SLC9A9: variants seen among roughly 807,000 people sequenced by gnomAD.
SLC9A9 encodes the protein solute carrier family 9 member A9.
Under a neutral mutation model 77.8 loss-of-function variants are expected in SLC9A9, and 62 were observed. That is an observed-to-expected ratio of 0.80 (90% CI 0.65 to 0.98). The LOEUF (loss-of-function observed/expected upper bound fraction) is 0.98, where lower values mean the gene tolerates loss of function less well. SLC9A9 is among the 50% of genes least tolerant of loss of function. The pLI, the probability that SLC9A9 is intolerant of heterozygous loss-of-function variation, is 0.00. For synonymous variants in SLC9A9, 320 were observed against 283.5 expected (o/e 1.13, Z -1.29); for missense variants, 775 against 774.9 (o/e 1.00, Z 0.00).
At chr3:143,824,243 A>G (rs1464137230) in intron 2 of SLC9A9, among the ~76,000 whole-genome samples, 1 of 151,940 alleles carries the variant, frequency 6.6e-6, no homozygotes, top group Non-Finnish European at 1.5e-5. Flanking sequence ...TTTTATATAT[A>G]CAAAATGATC....
intron 4 of SLC9A9, among the ~76,000 whole-genome samples, chr3:143,753,625 C>T (rs1410600070): frequency 6.6e-6 from 1 of 152,126 alleles, no homozygotes; most frequent in Non-Finnish European, 1.5e-5. Flanking sequence ...GAATGCTGTG[C>T]TGTGCTGTGC....
intron 12 of SLC9A9, among the ~76,000 whole-genome samples, chr3:143,453,857 C>T (rs1272170189): frequency 6.6e-6 from 1 of 152,104 alleles, no homozygotes; most frequent in Non-Finnish European, 1.5e-5. Flanking sequence ...AATTTAATCC[C>T]CAATGCAACA....
At chr3:143,811,712 A>G (rs940617086) in intron 2 of SLC9A9, 1 of 455,132 alleles carries the variant, frequency 2.2e-6, no homozygotes, top group Non-Finnish European at 4.4e-6. Context: ...AAACAAAAAA[A>G]TTAGCCACGC....
At chr3:143,824,706 A>G (rs2009254883) in intron 2 of SLC9A9, among the ~76,000 whole-genome samples, 1 of 152,230 alleles carries the variant, frequency 6.6e-6, no homozygotes, top group South Asian at 2.1e-4. Context: ...TATTTTTTGA[A>G]TGACTGAAGG....
At chr3:143,461,005 A>G (rs1218561585) in intron 12 of SLC9A9, among the ~76,000 whole-genome samples, 2 of 152,198 alleles carry the variant, frequency 1.3e-5, no homozygotes, top group African/African-American at 4.8e-5. Flanking sequence ...ATGTTTCATG[A>G]GAGAGCATAT....
At chr3:143,530,284 G>T (rs142125548) in intron 9 of SLC9A9, among the ~76,000 whole-genome samples, 1 of 152,156 alleles carries the variant, frequency 6.6e-6, no homozygotes, top group Non-Finnish European at 1.5e-5. Context: ...GGGGGGACCC[G>T]GTGAGAGATA....
chr3:143,779,149 T>C (rs2007790910), intron 4 of SLC9A9, among the ~76,000 whole-genome samples: 1 of 152,190 alleles, frequency 6.6e-6, no homozygotes, highest in Admixed American at 6.5e-5. Context: ...ATTATACTGT[T>C]ATTATTTATC....
In SLC9A9 at chr3:143,673,582, G is replaced by A. The variant is rs114731864; in HGVS notation, c.649+19610C>T. ...AGGATGGAGTAGGGAAGGGTGGGAGGGCAGGGCATAAAAGGCCAGCAAGAC... is the reference window on the plus strand; with the variant it reads ...AGGATGGAGTAGGGAAGGGTGGGAGAGCAGGGCATAAAAGGCCAGCAAGAC... On this transcript the variant is annotated intron_variant, in intron 5 of 15. Coordinates refer to ENST00000316549, the MANE Select transcript of SLC9A9 (RefSeq NM_173653.4). Among the ~76,000 whole-genome samples the A allele has an allele frequency of 2.0e-3, 304 of 150,218 alleles. 1 individual carries two copies. Among genetic ancestry groups the A allele is most frequent in the African/African-American group, 7.1e-3 (291 of 41,012 alleles).
chr3:143,672,457 C>T (rs141639002), intron 5 of SLC9A9, among the ~76,000 whole-genome samples: 5 of 152,164 alleles, frequency 3.3e-5, no homozygotes, highest in African/African-American at 7.2e-5. Context: ...GAAAACAAAA[C>T]TGAAAAATAA....
intron 4 of SLC9A9, among the ~76,000 whole-genome samples, chr3:143,764,971 TTTCC>T (rs139347757): frequency 0.023 from 3,377 of 147,314 alleles, 52 homozygotes; most frequent in South Asian, 0.044. Context: ...TTTCTCTTTC[TTTCC>T]TTCCTTCCTT....
chr3:143,516,515 T>C (rs1441503940), intron 9 of SLC9A9, among the ~76,000 whole-genome samples: 2 of 152,208 alleles, frequency 1.3e-5, no homozygotes, highest in Non-Finnish European at 1.5e-5. Flanking sequence ...AATTAAATGC[T>C]ACATTTAATT....
At chr3:143,657,857 AT>A (rs2038917277) in intron 5 of SLC9A9, among the ~76,000 whole-genome samples, 1 of 152,034 alleles carries the variant, frequency 6.6e-6, no homozygotes, top group African/African-American at 2.4e-5. Context: ...AATATGGTAA[AT>A]TTTTTTATTT....
At chr3:143,612,272 T>G (rs1288933581) in intron 6 of SLC9A9, among the ~76,000 whole-genome samples, 1 of 152,222 alleles carries the variant, frequency 6.6e-6, no homozygotes, top group Non-Finnish European at 1.5e-5. Flanking sequence ...TTCAACCTTT[T>G]TCTTTCAAAG....
chr3:143,738,191 G>A (rs1434695868), intron 4 of SLC9A9, among the ~76,000 whole-genome samples: 4 of 152,200 alleles, frequency 2.6e-5, no homozygotes, highest in East Asian at 3.9e-4. Flanking sequence ...TCCTTCTGCA[G>A]TAGCAGATAT....
chr3:143,552,152 G>T (rs2036899606), intron 9 of SLC9A9, among the ~76,000 whole-genome samples: 1 of 152,112 alleles, frequency 6.6e-6, no homozygotes, highest in Non-Finnish European at 1.5e-5. Context: ...AGGAGGGAGA[G>T]ACTATTATAA....
chr3:143,654,129 A>G (rs1292579957), intron 5 of SLC9A9, among the ~76,000 whole-genome samples: 13 of 152,198 alleles, frequency 8.5e-5, no homozygotes, highest in Admixed American at 8.5e-4. Flanking sequence ...GAGAGAGCAG[A>G]TTTTAAGTGT....
chr3:143,683,228 T>C (rs1193760887), intron 5 of SLC9A9, among the ~76,000 whole-genome samples: 3 of 152,276 alleles, frequency 2.0e-5, no homozygotes, highest in Non-Finnish European at 4.4e-5. Flanking sequence ...TCTAATATGA[T>C]GCAACGTGAT....
chr3:143,690,486 G>T (rs562838395), intron 5 of SLC9A9, among the ~76,000 whole-genome samples: 1 of 152,168 alleles, frequency 6.6e-6, no homozygotes, highest in East Asian at 1.9e-4. Flanking sequence ...ATTCCTAGGT[G>T]GGGTGCAGGA....
intron 9 of SLC9A9, among the ~76,000 whole-genome samples, chr3:143,501,825 T>C (rs1045999110): frequency 6.6e-6 from 1 of 150,798 alleles, no homozygotes; most frequent in Non-Finnish European, 1.5e-5. Flanking sequence ...GCAAATTCAA[T>C]TTTGTTTCAT....
Sources: gnomAD v4.1 joint callset for allele counts (sites outside exome capture counted in the v4.1 genomes callset) on GRCh38, gnomAD v4.1.1 for gene constraint, MANE v1.5 for transcripts, NCBI Gene and HGNC (gene_info 2026-07-23, HGNC 2026-07-21) for gene names.